The following DGKB variants were observed in gnomAD, a reference collection of about 807,000 sequenced individuals.
DGKB encodes the protein diacylglycerol kinase beta.
A neutral mutation model predicts 114.3 loss-of-function variants in DGKB; 67 were observed. The ratio of observed to expected loss-of-function variants is 0.59; its 90% CI spans 0.48 to 0.72. The LOEUF is 0.72. Ranked by LOEUF, DGKB falls within the 30% of genes least tolerant of loss-of-function variation. The pLI is 0.00. For synonymous variants in DGKB, 398 were observed against 323.1 expected, an observed-to-expected ratio of 1.23 and a Z score of -2.49; for missense variants, 907 against 975.2, an observed-to-expected ratio of 0.93 and a Z score of 0.93.
chr7:14,235,561 G>A lies in DGKB; in HGVS notation c.2123-57410C>T, dbSNP rs1396600965. On this transcript the variant is annotated intron_variant, in intron 23 of 25. Coordinates refer to ENST00000402815, the MANE Select transcript of DGKB (RefSeq NM_001350709.2). The stretch of plus-strand genomic sequence containing the variant: ...GACCATTACTGTTTTGAAAATCAGT[G>A]GCTCATGTAGTTTTGTAAATAAAAA... 2.6e-5 allele frequency among the ~76,000 whole-genome samples: 4 copies of A among 151,964 alleles called. No individual in the cohort carries two copies. In the East Asian group the frequency reaches 5.8e-4, roughly 22 times the overall value.
intron 20 of DGKB, among the ~76,000 whole-genome samples, chr7:14,507,516 A>G (rs534654215): frequency 3.3e-5 from 5 of 152,282 alleles, no homozygotes; most frequent in Non-Finnish European, 4.4e-5. Context: ...GTATATGAAG[A>G]TATTTTCATT....
At chr7:14,289,084 C>T (rs919458634) in intron 23 of DGKB, among the ~76,000 whole-genome samples, 2 of 152,086 alleles carry the variant, frequency 1.3e-5, no homozygotes, top group Admixed American at 6.6e-5. Context: ...TTTCCCAAGA[C>T]ATATTGTTTA....
chr7:14,353,664 AACTC>A (rs1435450372), intron 21 of DGKB, among the ~76,000 whole-genome samples: 4 of 152,328 alleles, frequency 2.6e-5, no homozygotes, highest in Admixed American at 1.3e-4. Context: ...CTCAAAACAT[AACTC>A]ACTATGTTTT....
chr7:14,283,229 A>G (rs1283039264), intron 23 of DGKB, among the ~76,000 whole-genome samples: 1 of 151,654 alleles, frequency 6.6e-6, no homozygotes, highest in Non-Finnish European at 1.5e-5. Flanking sequence ...ACAGACAAAC[A>G]GAGAGCCAAA....
At chr7:14,902,888 C>T (rs920658895), upstream of DGKB, 4 of 152,114 alleles carry the variant, frequency 2.6e-5, no homozygotes, top group African/African-American at 4.8e-5. Context: ...GCAGTTCACC[C>T]GTCTCTGATC....
At chr7:14,933,121 T>C (rs1332774526) in intron 1 of DGKB, among the ~76,000 whole-genome samples, 4 of 152,192 alleles carry the variant, frequency 2.6e-5, no homozygotes, top group Admixed American at 2.6e-4. Flanking sequence ...ATTATAAAAA[T>C]GATGAACCTG....
intron 20 of DGKB, among the ~76,000 whole-genome samples, chr7:14,562,064 A>C (rs1332046838): frequency 2.0e-5 from 3 of 152,132 alleles, no homozygotes; most frequent in Non-Finnish European, 4.4e-5. Context: ...TGTCTCAGCT[A>C]CTCCAGCTGT....
intron 5 of DGKB, among the ~76,000 whole-genome samples, chr7:14,728,019 T>C (rs1034349889): frequency 6.6e-6 from 1 of 152,200 alleles, no homozygotes; most frequent in Non-Finnish European, 1.5e-5. Flanking sequence ...CATTTTCCTT[T>C]TCTATCTAAA....
intron 20 of DGKB, among the ~76,000 whole-genome samples, chr7:14,548,200 CTGTT>C (rs1371847583): frequency 2.0e-5 from 3 of 152,162 alleles, no homozygotes; most frequent in Non-Finnish European, 4.4e-5. Flanking sequence ...CATTTAACAT[CTGTT>C]TGAGAACTAC....
At chr7:14,366,537 C>T (rs563961440) in intron 21 of DGKB, among the ~76,000 whole-genome samples, 6 of 152,206 alleles carry the variant, frequency 3.9e-5, no homozygotes, top group East Asian at 3.9e-4. Context: ...CATGTGTATG[C>T]GCATCCTACA....
chr7:14,175,403 G>A (rs1781576657), intron 25 of DGKB, among the ~76,000 whole-genome samples: 1 of 152,136 alleles, frequency 6.6e-6, no homozygotes, highest in Non-Finnish European at 1.5e-5. Flanking sequence ...TTAGGTAAGA[G>A]TTGACTTCAA....
At chr7:14,909,730 T>C (rs769124067) in intron 1 of DGKB, among the ~76,000 whole-genome samples, 1 of 152,158 alleles carries the variant, frequency 6.6e-6, no homozygotes. Context: ...TCAGAAACCA[T>C]ATTTGTCTTG....
chr7:14,216,853 T>G (rs893220376), intron 23 of DGKB, among the ~76,000 whole-genome samples: 7 of 152,096 alleles, frequency 4.6e-5, no homozygotes, highest in Non-Finnish European at 7.4e-5. Flanking sequence ...TTTAAAGGAC[T>G]TACACCAATG....
intron 1 of DGKB, among the ~76,000 whole-genome samples, chr7:14,884,522 A>G (rs1854718028): frequency 6.6e-6 from 1 of 151,984 alleles, no homozygotes; most frequent in Non-Finnish European, 1.5e-5. Context: ...TGCTTCCCAA[A>G]CATGGAGATA....
intron 23 of DGKB, among the ~76,000 whole-genome samples, chr7:14,200,192 GTC>G (rs1372146307): frequency 6.6e-6 from 1 of 152,034 alleles, no homozygotes; most frequent in Admixed American, 6.6e-5. Flanking sequence ...TATGTTGCCA[GTC>G]CTCTGCTAAA....
chr7:14,613,289 A>AT, intron 16 of DGKB, 51 bp downstream of exon 16: 1 of 1,127,534 alleles, frequency 8.9e-7, no homozygotes, highest in Non-Finnish European at 1.3e-6. Flanking sequence ...AGTTTTGTCT[A>AT]TTTTTTTACA....
intron 2 of DGKB, among the ~76,000 whole-genome samples, chr7:14,820,816 C>T (rs886263225): frequency 1.3e-5 from 2 of 152,102 alleles, no homozygotes; most frequent in East Asian, 1.9e-4. Context: ...TTCTCAGAGA[C>T]AGAACTTTGA....
intron 1 of DGKB, among the ~76,000 whole-genome samples, chr7:14,860,199 T>A (rs1850767999): frequency 6.6e-6 from 1 of 152,106 alleles, no homozygotes. Context: ...AAACTTAAAA[T>A]ATCTACCATT....
intron 25 of DGKB, among the ~76,000 whole-genome samples, chr7:14,155,587 C>A (rs1043955067): frequency 6.6e-6 from 1 of 151,862 alleles, no homozygotes; most frequent in Non-Finnish European, 1.5e-5. Context: ...TTAATTTGAT[C>A]CAGAAGAGAA....
Sources: allele counts gnomAD v4.1 joint callset (sites outside exome capture counted in the v4.1 genomes callset), GRCh38; gene constraint gnomAD v4.1.1; transcripts MANE v1.5; gene names NCBI Gene and HGNC (gene_info 2026-07-23, HGNC 2026-07-21).